FXR1: variants seen among roughly 807,000 people sequenced by gnomAD.
FXR1 encodes the protein RNA-binding protein FXR1.
In FXR1, 15 loss-of-function variants were observed where a neutral mutation model predicts 84.0. That is an observed-to-expected ratio of 0.18 (90% confidence interval 0.12 to 0.27). The LOEUF (loss-of-function observed/expected upper bound fraction) is 0.27, where lower values mean the gene tolerates loss of function less well. FXR1 is among the 10% of genes least tolerant of loss of function. FXR1 has a pLI of 1.00. For synonymous variants in FXR1, 245 were observed against 250.7 expected, an observed-to-expected ratio of 0.98 and a Z score of 0.21; for missense variants, 480 against 774.4, an observed-to-expected ratio of 0.62 and a Z score of 4.51.
chr3:180,935,914 A>T (rs527467481), intron 3 of FXR1, among the ~76,000 whole-genome samples: 2 of 150,598 alleles, frequency 1.3e-5, no homozygotes, highest in South Asian at 4.2e-4. Flanking sequence ...ATTTTTTGAG[A>T]TGGAGTTTCC....
intron 1 of FXR1, among the ~76,000 whole-genome samples, chr3:180,926,628 C>T (rs1010150872): frequency 2.7e-5 from 4 of 150,402 alleles, no homozygotes; most frequent in East Asian, 1.9e-4. Context: ...TGTAAATCTT[C>T]GATTTTTTGG....
chr3:180,913,285 G>A (rs893868778), intron 1 of FXR1, among the ~76,000 whole-genome samples: 2 of 152,212 alleles, frequency 1.3e-5, no homozygotes, highest in African/African-American at 4.8e-5. Context: ...GGGGGTACCG[G>A]ATTGAGGGTT....
At chr3:180,927,071 GAGTT>G (rs1003883975) in intron 1 of FXR1, among the ~76,000 whole-genome samples, 4 of 152,032 alleles carry the variant, frequency 2.6e-5, no homozygotes, top group African/African-American at 7.2e-5. Context: ...TACCAGTTGT[GAGTT>G]AGTTTTTGAT....
At chr3:180,937,246 T>A (rs924613263) in intron 3 of FXR1, among the ~76,000 whole-genome samples, 1 of 152,186 alleles carries the variant, frequency 6.6e-6, no homozygotes, top group Non-Finnish European at 1.5e-5. Flanking sequence ...GAATTAGAAA[T>A]GTGTGGCACT....
At chr3:180,971,100 A>T (rs1713516178) in intron 15 of FXR1, 5 of 1,265,170 alleles carry the variant, frequency 4.0e-6, no homozygotes, top group Non-Finnish European at 4.1e-6. Flanking sequence ...AACCCCAGCG[A>T]CGCAATCGTA....
chr3:180,963,172 T>C (rs1432066618), intron 13 of FXR1, 82 bp downstream of exon 13: 2 of 650,906 alleles, frequency 3.1e-6, no homozygotes, highest in African/African-American at 1.8e-5. Context: ...CATTTTCTTA[T>C]AATTAGTTCA....
At position 180,976,242 on chromosome 3, in the gene FXR1, T is replaced by G; in HGVS notation, c.1816T>G (p.Leu606Val). The G allele has an allele frequency of 6.2e-7, 1 of 1,612,240 alleles. No homozygotes were observed. Among genetic ancestry groups the G allele is most frequent in the Non-Finnish European group, 8.5e-7 (1 of 1,178,728 alleles). ...RTPGEEKINT[L>V]KEENTQEAAV... ...TCCAGGAGAAGAAAAGATTAATACC[T>G]TAAAAGAAGAAAACACTCAAGAAGC... Residue 606 changes from leucine to valine, a missense_variant, in exon 17 of 17, where the codon TTA (leucine) becomes GTA (valine). By Grantham distance (32) the Leu-to-Val change is conservative. Around this residue, in one of 6 missense-constraint regions of FXR1, gnomAD observed 94 missense variants for 81.8 expected, o/e 1.15. Transcript: ENST00000357559.
chr3:180,974,507 A>G (rs1284458419), intron 15 of FXR1, among the ~76,000 whole-genome samples: 1 of 152,222 alleles, frequency 6.6e-6, no homozygotes, highest in Non-Finnish European at 1.5e-5. Flanking sequence ...ATACTGTAGA[A>G]CATAGGTCAT....
intron 15 of FXR1, 26 bp from the exon 16 acceptor site, chr3:180,975,287 T>G: frequency 1.1e-6 from 1 of 915,200 alleles, no homozygotes; most frequent in South Asian, 1.6e-5. Flanking sequence ...TTTCAACACC[T>G]GTAATTTTTT....
In FXR1 at chr3:180,975,384, G is replaced by T; in HGVS notation, c.1675G>T (p.Ala559Ser). The part of the protein sequence containing the change: ...RQRNLPRETL[A>S]KNKKEMAKDV... ...AAGAAACCTCCCAAGGGAAACTTTG[G>T]CTAAAAACAAGAAAGAAATGGTAAG... The change falls in exon 16 of 17, where the codon GCT becomes TCT. Residue 559 changes from alanine to serine, a missense_variant. Ala to Ser is a moderately conservative substitution (Grantham distance 99). Around this residue, in one of 6 missense-constraint regions of FXR1, gnomAD observed 94 missense variants for 81.8 expected, o/e 1.15. Transcript: ENST00000357559. 6.7e-7 allele frequency: 1 copy of T among 1,484,186 alleles called. No individual in the cohort carries two copies. The highest frequency in any genetic ancestry group is 1.8e-5 in the Admixed American group (1 of 55,130). The allele number at this position is 1,484,186 out of a possible 1,614,324, so 91.9% of individuals were successfully genotyped here. A position where few individuals can be genotyped will look rare whatever the true frequency, so the allele number is the denominator to read the frequency against.
intron 1 of FXR1, chr3:180,915,328 TGCCC>T: frequency 1.8e-6 from 1 of 560,268 alleles, no homozygotes; most frequent in South Asian, 2.4e-5. Context: ...ATTTCCGTCA[TGCCC>T]TTTTCAGTCA....
intron 1 of FXR1, among the ~76,000 whole-genome samples, chr3:180,914,406 C>T (rs149217671): frequency 1.0e-3 from 154 of 152,052 alleles, no homozygotes; most frequent in Non-Finnish European, 2.0e-3. Context: ...CACTATTTGG[C>T]CCTGTAGTTC....
chr3:180,928,606 T>A (rs1719512298), intron 1 of FXR1, among the ~76,000 whole-genome samples: 1 of 152,038 alleles, frequency 6.6e-6, no homozygotes, highest in South Asian at 2.1e-4. Flanking sequence ...CTTCAGACAT[T>A]TTTTGTACAT....
At chr3:180,936,658 A>G (rs1196084389) in intron 3 of FXR1, among the ~76,000 whole-genome samples, 2 of 152,206 alleles carry the variant, frequency 1.3e-5, no homozygotes, top group Admixed American at 6.5e-5. Flanking sequence ...ATCCCTGACA[A>G]CCTTAACTTA....
At chr3:180,942,617 C>T (rs963066563) in intron 3 of FXR1, among the ~76,000 whole-genome samples, 4 of 151,948 alleles carry the variant, frequency 2.6e-5, no homozygotes, top group African/African-American at 7.3e-5. Flanking sequence ...CTCCATAAAA[C>T]GATAGTGATT....
At position 180,917,096 on chromosome 3, in the gene FXR1, A is replaced by G. The variant is rs532171398; in HGVS notation, c.51+4360A>G. On this transcript the variant is annotated intron_variant, in intron 1 of 16. Coordinates refer to ENST00000357559, the MANE Select transcript of FXR1 (RefSeq NM_005087.4). ...CTCCATCTGTCCGCCTCGGCGTCCCAAGGTGCTGGGAATACAGGCGTGAGC... is the reference window on the plus strand; with the variant it reads ...CTCCATCTGTCCGCCTCGGCGTCCCGAGGTGCTGGGAATACAGGCGTGAGC... Among the ~76,000 whole-genome samples, 3 of 152,266 alleles carry G rather than the reference A, an allele frequency of 2.0e-5. No homozygotes were observed. The East Asian group carries it at 5.8e-4, about 29-fold the overall frequency.
At chr3:180,915,667 C>T in intron 1 of FXR1, 1 of 703,254 alleles carries the variant, frequency 1.4e-6, no homozygotes, top group Non-Finnish European at 2.6e-6. Flanking sequence ...CTCCTCTTAC[C>T]CCGTATAGGC....
intron 1 of FXR1, among the ~76,000 whole-genome samples, chr3:180,917,671 G>A (rs185515940): frequency 6.6e-6 from 1 of 151,974 alleles, no homozygotes; most frequent in Non-Finnish European, 1.5e-5. Flanking sequence ...AACTTAGGCC[G>A]GGCGCCGTGG....
rs1714349058 is a variant in FXR1, at chr3:180,977,511, G to T, written c.*1219G>T. The T allele has an allele frequency of 6.6e-6, 1 of 152,060 alleles. No individual in the cohort carries two copies. Among genetic ancestry groups the T allele is most frequent in the African/African-American group, 2.4e-5 (1 of 41,434 alleles). The allele number at this position is 152,060 out of a possible 1,614,324, so 9.4% of individuals were successfully genotyped here. A position where few individuals can be genotyped will look rare whatever the true frequency, so the allele number is the denominator to read the frequency against. Reference sequence around the variant, plus strand: ...GCTTTATTCATTCTCAACTTATTTTGAAGGCTCTCATATCAGTGACCAAAA... The same window carrying T: ...GCTTTATTCATTCTCAACTTATTTTTAAGGCTCTCATATCAGTGACCAAAA... On this transcript the variant is annotated 3_prime_UTR_variant, in exon 17 of 17. Coordinates refer to ENST00000357559, the MANE Select transcript of FXR1 (RefSeq NM_005087.4).
Sources: allele counts gnomAD v4.1 joint callset (sites outside exome capture counted in the v4.1 genomes callset), GRCh38; gene constraint gnomAD v4.1.1; regional missense constraint gnomAD v4.1.1; transcripts MANE v1.5; gene names NCBI Gene and HGNC (gene_info 2026-07-23, HGNC 2026-07-21).